NLGN4X: variants seen among roughly 807,000 people sequenced by gnomAD.
NLGN4X encodes neuroligin-4, X-linked.
A neutral mutation model predicts 40.3 loss-of-function variants in NLGN4X; 3 were observed. The ratio of observed to expected loss-of-function variants is 0.07; its 90% confidence interval spans 0.03 to 0.19. The LOEUF (loss-of-function observed/expected upper bound fraction) is 0.19. NLGN4X is among the 10% of genes least tolerant of loss of function. The pLI, the probability that NLGN4X is intolerant of heterozygous loss-of-function variation, is 1.00. For missense variants in NLGN4X, 382 were observed against 708.3 expected (o/e 0.54, Z 5.23); for synonymous variants, 270 against 306.8 (o/e 0.88, Z 1.25).
intron 1 of NLGN4X, among the ~76,000 whole-genome samples, chrX:6,190,145 A>G (rs971373477): frequency 2.3e-4 from 25 of 110,844 alleles, no homozygotes; most frequent in African/African-American, 8.2e-4. Flanking sequence ...TAAATTACAA[A>G]TTATCTTTGA....
At chrX:5,992,249 C>T (rs2035703485) in intron 3 of NLGN4X, among the ~76,000 whole-genome samples, 1 of 112,159 alleles carries the variant, frequency 8.9e-6, no homozygotes, top group Admixed American at 9.5e-5. Flanking sequence ...CAAAGTGGGA[C>T]TTGTACAATG....
chrX:5,903,027 C>A (rs2031965185), intron 5 of NLGN4X, 50 bp downstream of exon 5: 3 of 1,197,273 alleles, frequency 2.5e-6, no homozygotes, highest in Non-Finnish European at 3.4e-6. Context: ...ATATTGAGGA[C>A]ACAAACAAGT....
Position 6,029,304 on chromosome X carries a change from T to C in NLGN4X, c.601A>G (p.Ile201Val), listed in dbSNP as rs1160725993. The C allele has an allele frequency of 1.7e-6, 2 of 1,211,529 alleles. No individual in the cohort carries two copies. The highest frequency in any genetic ancestry group is 3.0e-5 in the East Asian group (1 of 33,818). Residue 201 changes from isoleucine to valine, a missense_variant, in exon 3 of 6, where the codon ATT becomes GTT. Physicochemically the swap from Ile to Val is conservative, Grantham distance 29. Coordinates refer to ENST00000381095, the MANE Select transcript of NLGN4X (RefSeq NM_181332.3). ...CCTAGTATTCCCAGACGGTAGTTAATGGTGATCACGATGACGTTTCCGTAG... is the reference window on the plus strand; with the variant it reads ...CCTAGTATTCCCAGACGGTAGTTAACGGTGATCACGATGACGTTTCCGTAG... ...ASYGNVIVIT[I>V]NYRLGILGFL... is the part of the protein sequence containing the mutation.
At chrX:6,227,969 T>TG (rs1195765300) in intron 1 of NLGN4X, 10 of 49,248 alleles carry the variant, frequency 2.0e-4, no homozygotes, top group South Asian at 1.0e-3. Flanking sequence ...GGGGGGGGGG[T>TG]GGGGGGGGAG....
At chrX:6,222,166 C>T (rs1925772848) in intron 1 of NLGN4X, among the ~76,000 whole-genome samples, 1 of 111,227 alleles carries the variant, frequency 9.0e-6, no homozygotes, top group Non-Finnish European at 1.9e-5. Flanking sequence ...TGTCCCCTCT[C>T]CCCAACCAAA....
intron 2 of NLGN4X, among the ~76,000 whole-genome samples, chrX:6,068,107 T>A (rs747557802): frequency 8.9e-6 from 1 of 111,883 alleles, no homozygotes; most frequent in Non-Finnish European, 1.9e-5. Flanking sequence ...AGGAAGCATT[T>A]GCCAGTATGG....
intron 1 of NLGN4X, among the ~76,000 whole-genome samples, chrX:6,202,743 T>C (rs1008865267): frequency 8.9e-6 from 1 of 112,169 alleles, no homozygotes; most frequent in Admixed American, 9.4e-5. Flanking sequence ...CAAAGTCTAT[T>C]GATTACCTTA....
At chrX:6,086,886 G>A (rs755689172) in intron 2 of NLGN4X, among the ~76,000 whole-genome samples, 55 of 110,919 alleles carry the variant, frequency 5.0e-4, no homozygotes, top group East Asian at 1.4e-3. Flanking sequence ...CTCACTCCTC[G>A]GTCTCCCAAA....
At chrX:6,136,368 G>A (rs1408772930) in intron 2 of NLGN4X, among the ~76,000 whole-genome samples, 1 of 112,473 alleles carries the variant, frequency 8.9e-6, no homozygotes, top group African/African-American at 3.2e-5. Flanking sequence ...CCTTAGCAGG[G>A]TCCACTGCTT....
intron 3 of NLGN4X, among the ~76,000 whole-genome samples, chrX:5,961,487 A>C (rs930803960): frequency 8.9e-6 from 1 of 112,080 alleles, no homozygotes; most frequent in Non-Finnish European, 1.9e-5. Context: ...TCGCATATAC[A>C]CAGAAAACCT....
At chrX:6,089,690 G>C (rs1003108928) in intron 2 of NLGN4X, among the ~76,000 whole-genome samples, 2 of 112,359 alleles carry the variant, frequency 1.8e-5, no homozygotes, top group Admixed American at 1.9e-4. Flanking sequence ...GTTTAAAAGA[G>C]AGGTCATTCT....
intron 3 of NLGN4X, among the ~76,000 whole-genome samples, chrX:6,028,884 C>T (rs1349741930): frequency 8.9e-6 from 1 of 111,767 alleles, no homozygotes; most frequent in Non-Finnish European, 1.9e-5. Context: ...TTTTCCTCCA[C>T]ACAATATACT....
chrX:6,030,639 A>C (rs2036833972), intron 2 of NLGN4X, among the ~76,000 whole-genome samples: 1 of 110,918 alleles, frequency 9.0e-6, no homozygotes, highest in Admixed American at 9.6e-5. Context: ...CATACAGAAG[A>C]CACGACATAC....
intron 3 of NLGN4X, among the ~76,000 whole-genome samples, chrX:5,918,289 T>C (rs1282993234): frequency 2.7e-5 from 3 of 112,010 alleles, no homozygotes; most frequent in Non-Finnish European, 5.6e-5. Flanking sequence ...TGTACTTCAG[T>C]GCTATTCAGG....
intron 2 of NLGN4X, among the ~76,000 whole-genome samples, chrX:6,094,651 G>A (rs771413835): frequency 9.0e-6 from 1 of 111,292 alleles, no homozygotes; most frequent in Non-Finnish European, 1.9e-5. Flanking sequence ...GGGGTGGGGG[G>A]ATACTAGACA....
chrX:6,176,965 C>T (rs769598759), intron 1 of NLGN4X, among the ~76,000 whole-genome samples: 7 of 111,800 alleles, frequency 6.3e-5, no homozygotes, highest in East Asian at 5.6e-4. Context: ...ACAGAAGAAA[C>T]GCTACATAAC....
At chrX:6,175,918 T>G (rs748170524) in intron 1 of NLGN4X, among the ~76,000 whole-genome samples, 1 of 111,000 alleles carries the variant, frequency 9.0e-6, no homozygotes, top group African/African-American at 3.3e-5. Context: ...AAGGCTCCTG[T>G]GTATCTGCAT....
chrX:6,156,285 G>C (rs1458665516), intron 1 of NLGN4X, among the ~76,000 whole-genome samples: 3 of 112,067 alleles, frequency 2.7e-5, no homozygotes, highest in African/African-American at 9.7e-5. Context: ...CGAGGCAGGT[G>C]GATCACGAGG....
intron 3 of NLGN4X, among the ~76,000 whole-genome samples, chrX:6,027,824 T>TTA (rs1185216302): frequency 2.1e-5 from 2 of 94,932 alleles, no homozygotes; most frequent in East Asian, 6.4e-4. Context: ...TTATTATTAT[T>TTA]TTTTTTTTTT....
Sources: gnomAD v4.1 joint callset for allele counts (sites outside exome capture counted in the v4.1 genomes callset) on GRCh38, gnomAD v4.1.1 for gene constraint, MANE v1.5 for transcripts, NCBI Gene and HGNC (gene_info 2026-07-23, HGNC 2026-07-21) for gene names.